Variants in AGAP2 observed in about 807,000 individuals in gnomAD.
AGAP2 encodes arf-GAP with GTPase, ANK repeat and PH domain-containing protein 2.
In AGAP2, 32 loss-of-function variants were observed where a neutral mutation model predicts 110.9. That is an observed-to-expected ratio of 0.29 (90% CI 0.22 to 0.39). The LOEUF is 0.39. Among genes scored for constraint, AGAP2 ranks in the 10% least tolerant of loss-of-function variants. AGAP2 has a pLI of 1.00. For missense variants in AGAP2, 1,285 were observed against 1,638.5 expected (o/e 0.78, Z 3.72); for synonymous variants, 702 against 713.0 (o/e 0.98, Z 0.25).
intron 12 of AGAP2, among the ~76,000 whole-genome samples, chr12:57,730,125 T>TA (rs36097062): frequency 0.086 from 5,587 of 64,762 alleles, 141 homozygotes; most frequent in Middle Eastern, 0.19. Flanking sequence ...TATATATATA[T>TA]TTTTTTTCAA....
upstream of AGAP2, chr12:57,740,110 A>AT (rs1955059151): frequency 6.6e-6 from 1 of 151,988 alleles, no homozygotes; most frequent in African/African-American, 2.4e-5. Flanking sequence ...CAGTCCCCTG[A>AT]TTTGGCGTCC....
rs1954960745 is a variant in AGAP2, at chr12:57,735,375, C to T, written c.1221G>A (p.Leu407=). Residue 407 remains leucine (L), a synonymous_variant, in exon 2 of 19, where the codon CTG becomes CTA. Transcript: ENST00000547588. The part of the protein sequence containing the change: ...EWTLSRSIPE[L]RLGVLGDARS... ...AGGGGACTGGGTTACCTACCAGGCGCAGTTCAGGAATGGAGCGGCTCAAAG... is the reference window on the plus strand; with the variant it reads ...AGGGGACTGGGTTACCTACCAGGCGTAGTTCAGGAATGGAGCGGCTCAAAG... 4 of 1,613,796 alleles carry T rather than the reference C, an allele frequency of 2.5e-6. No individual in the cohort carries two copies. The highest frequency in any genetic ancestry group is 1.3e-5 in the African/African-American group (1 of 74,892).
At chr12:57,739,226 G>A (rs950385987), upstream of AGAP2, among the ~76,000 whole-genome samples, 7 of 152,120 alleles carry the variant, frequency 4.6e-5, no homozygotes, top group African/African-American at 1.2e-4. Flanking sequence ...CAGGGGCCGC[G>A]GTAAACAGAG....
At chr12:57,733,035 T>G (rs1954916517) in intron 5 of AGAP2, 56 bp from the exon 6 acceptor site, 1 of 1,608,032 alleles carries the variant, frequency 6.2e-7, no homozygotes, top group South Asian at 1.1e-5. Context: ...TGTTCGATTT[T>G]TCACAATTCC....
rs765035310 is a variant in AGAP2 at position 57,737,782 on chromosome 12, G to C, written c.465C>G (p.Pro155=). 5 of 1,530,402 alleles carry C rather than the reference G, an allele frequency of 3.3e-6. No individual in the cohort carries two copies. In the Admixed American group the frequency reaches 7.9e-5, roughly 24 times the overall value. 94.8% of individuals were successfully genotyped at this position (1,530,402 alleles called of 1,614,324 possible). The change falls in exon 1 of 19, where the codon CCC becomes CCG. Residue 155 remains proline (P), a synonymous_variant. Transcript: ENST00000547588. This position sits in a 1 kb window ranked among gnomAD's most constrained non-coding sequence, Gnocchi z 5.9. ...LSSPSWGGPE[P]EGRAGGGIPG... ...GGATGCCGCCGCCCGCCCGGCCTTCGGGCTCCGGGCCGCCCCAGCTCGGGC... is the reference window on the plus strand; with the variant it reads ...GGATGCCGCCGCCCGCCCGGCCTTCCGGCTCCGGGCCGCCCCAGCTCGGGC...
intron 4 of AGAP2, 63 bp downstream of exon 4, chr12:57,734,256 G>C (rs1954938433): frequency 1.3e-5 from 21 of 1,612,684 alleles, no homozygotes; most frequent in Non-Finnish European, 1.7e-5. Flanking sequence ...TGGGAAACCA[G>C]AGCCCTCTCC....
chr12:57,730,492 G>A lies in AGAP2; in HGVS notation c.2428+3C>T, dbSNP rs1322151426. On this transcript the variant is annotated splice_donor_region_variant and intron_variant, in intron 12 of 18. Coordinates refer to ENST00000547588, the MANE Select transcript of AGAP2 (RefSeq NM_001122772.3). ...CAGCAGATGGAAGGTCATCCCCACT[G>A]ACCCGTGCTGAGGGCTCGGGCCAAA... 6 of 1,613,898 alleles carry A rather than the reference G, an allele frequency of 3.7e-6. No homozygotes were observed. The highest frequency in any genetic ancestry group is 5.1e-6 in the Non-Finnish European group (6 of 1,179,990).
chr12:57,738,757 G>T (rs1036800560), upstream of AGAP2, among the ~76,000 whole-genome samples: 8 of 151,838 alleles, frequency 5.3e-5, no homozygotes, highest in African/African-American at 1.9e-4. This position sits in a 1 kb window ranked among gnomAD's most constrained non-coding sequence, Gnocchi z 6.7. Flanking sequence ...CTGGCCGTGC[G>T]GGGGATTCGC....
chr12:57,729,992 G>T (rs1028204199), intron 12 of AGAP2, among the ~76,000 whole-genome samples: 6 of 152,300 alleles, frequency 3.9e-5, no homozygotes, highest in African/African-American at 1.4e-4. Flanking sequence ...CTGGCCTTAA[G>T]ACCTTGAGCA....
intron 5 of AGAP2, 40 bp downstream of exon 5, chr12:57,733,986 G>T: frequency 6.6e-7 from 1 of 1,526,008 alleles, no homozygotes. Flanking sequence ...GCCTCCTTAG[G>T]GCCTCCCTTG....
At position 57,731,635 on chromosome 12, in the gene AGAP2, C is replaced by G. The variant is rs1191934855; in HGVS notation, c.1961G>C (p.Arg654Pro). ...GCTTCGTTTCTCGGAGTCACTACCCCGACGATTCTGGAATGGTTATTGGAA... is the reference window on the plus strand; with the variant it reads ...GCTTCGTTTCTCGGAGTCACTACCCGGACGATTCTGGAATGGTTATTGGAA... ...KRRTSLFANR[R>P]GSDSEKRSLD... The change falls in exon 9 of 19, where the codon CGG becomes CCG. Residue 654 changes from arginine to proline, a missense_variant. Physicochemically the swap from Arg to Pro is moderately radical, Grantham distance 103. Around this residue, in one of 7 missense-constraint regions of AGAP2, gnomAD observed 844 missense variants for 941.2 expected, o/e 0.90. Coordinates refer to ENST00000547588, the MANE Select transcript of AGAP2 (RefSeq NM_001122772.3). 2 of 1,614,056 alleles carry G rather than the reference C, an allele frequency of 1.2e-6. No homozygotes were observed. Among genetic ancestry groups the G allele is most frequent in the East Asian group, 4.5e-5 (2 of 44,880 alleles).
intron 12 of AGAP2, 198 bp downstream of exon 12, chr12:57,730,297 G>A (rs1219571349): frequency 2.5e-6 from 2 of 786,746 alleles, no homozygotes; most frequent in South Asian, 1.9e-5. Flanking sequence ...CAGGATTCAA[G>A]CTCAGGCAGT....
At chr12:57,740,804 T>C (rs1233624257), upstream of AGAP2, among the ~76,000 whole-genome samples, 2 of 151,950 alleles carry the variant, frequency 1.3e-5, no homozygotes, top group Admixed American at 1.3e-4. Flanking sequence ...CGAAGAACAA[T>C]GGGAAGGGGA....
Position 57,737,874 on chromosome 12 carries a change from C to T in AGAP2, c.373G>A (p.Gly125Arg). 2 of 1,432,324 alleles carry T rather than the reference C, an allele frequency of 1.4e-6. No homozygotes were observed. Among genetic ancestry groups the T allele is most frequent in the African/African-American group, 1.5e-5 (1 of 66,498 alleles). 88.7% of individuals were successfully genotyped at this position (1,432,324 alleles called of 1,614,324 possible). A position where few individuals can be genotyped will look rare whatever the true frequency, so the allele number is the denominator to read the frequency against. ...GGCTTGGGGTCGGGGCTCAGTCCCCCGGAGAGCGGGGGTCCCGGAGGGACG... is the reference window on the plus strand; with the variant it reads ...GGCTTGGGGTCGGGGCTCAGTCCCCTGGAGAGCGGGGGTCCCGGAGGGACG... ...WAVPPGPPLS[G>R]GLSPDPKPGG... The change falls in exon 1 of 19, where the codon GGG becomes AGG. Residue 125 changes from glycine (G) to arginine (R), a missense_variant. Physicochemically the swap from Gly to Arg is moderately radical, Grantham distance 125. Around this residue, in one of 7 missense-constraint regions of AGAP2, gnomAD observed 844 missense variants for 941.2 expected, o/e 0.90. Transcript: ENST00000547588. The surrounding 1 kb of genome is among the most constrained non-coding windows in gnomAD (Gnocchi z 5.9).
chr12:57,734,044 C>T lies in AGAP2; in HGVS notation c.1531G>A (p.Ala511Thr). Residue 511 changes from alanine to threonine, a missense_variant, in exon 5 of 19, where the codon GCA (alanine) becomes ACA (threonine). Physicochemically the swap from Ala to Thr is moderately conservative, Grantham distance 58 (BLOSUM62 0). Transcript: ENST00000547588. ...TCCTTACCTTGTGTCCCCACCAGTGCCAAGGCCAGGCCTCCTCGTCCCTCC... is the reference window on the plus strand; with the variant it reads ...TCCTTACCTTGTGTCCCCACCAGTGTCAAGGCCAGGCCTCCTCGTCCCTCC... ...RGEGRGGLAL[A>T]LVGTQDRISA... The T allele has an allele frequency of 6.2e-7, 1 of 1,601,148 alleles. No homozygotes were observed. The highest frequency in any genetic ancestry group is 8.5e-7 in the Non-Finnish European group (1 of 1,173,748).
chr12:57,734,788 T>C (rs1369749681), intron 2 of AGAP2, 109 bp from the exon 3 acceptor site: 1 of 947,038 alleles, frequency 1.1e-6, no homozygotes, highest in East Asian at 2.4e-5. Context: ...AGCAGGACCC[T>C]ACAGGGCCTG....
In AGAP2 at chr12:57,737,236, T is replaced by C. The variant is rs757974918; in HGVS notation, c.1011A>G (p.Ala337=). 3 of 1,611,588 alleles carry C rather than the reference T, an allele frequency of 1.9e-6. No individual in the cohort carries two copies. The highest frequency in any genetic ancestry group is 2.2e-5 in the East Asian group (1 of 44,834). ...GLKRGREGGR[A]STRDRKMLKF... ...TGAGCATCTTGCGGTCACGAGTGGA[T>C]GCTCGGCCCCCCTCCCGGCCCCGTT... The change falls in exon 1 of 19, where the codon GCA becomes GCG. Residue 337 remains alanine, a synonymous_variant. Coordinates refer to ENST00000547588, the MANE Select transcript of AGAP2 (RefSeq NM_001122772.3). The surrounding 1 kb of genome is among the most constrained non-coding windows in gnomAD (Gnocchi z 5.9).
downstream of AGAP2, chr12:57,723,770 G>T (rs751778571): frequency 2.6e-5 from 4 of 152,244 alleles, no homozygotes. Flanking sequence ...ATTACTTGGT[G>T]TTGGGATTTG....
In AGAP2 at chr12:57,734,051, C is replaced by G; in HGVS notation, c.1524G>C (p.Leu508=). ...CTTGTGTCCCCACCAGTGCCAAGGC[C>G]AGGCCTCCTCGTCCCTCCCCGCGAA... The part of the protein sequence containing the change: ...SSLRGEGRGG[L]ALALVGTQDR... Residue 508 remains leucine, a synonymous_variant, in exon 5 of 19, where the codon CTG becomes CTC. Transcript: ENST00000547588. The G allele has an allele frequency of 6.2e-7, 1 of 1,606,332 alleles. No individual in the cohort carries two copies. The highest frequency in any genetic ancestry group is 8.5e-7 in the Non-Finnish European group (1 of 1,176,112).
Sources: allele counts gnomAD v4.1 joint callset (sites outside exome capture counted in the v4.1 genomes callset), GRCh38; gene constraint gnomAD v4.1.1; regional missense constraint gnomAD v4.1.1; non-coding constraint Gnocchi (gnomAD v3.1); transcripts MANE v1.5; gene names NCBI Gene and HGNC (gene_info 2026-07-23, HGNC 2026-07-21).